The following TRPC4 variants were observed in gnomAD, a reference collection of about 807,000 sequenced individuals.
TRPC4 encodes transient receptor potential cation channel subfamily C member 4.
A neutral mutation model predicts 99.4 loss-of-function variants in TRPC4; 49 were observed. That is an observed-to-expected ratio of 0.49 (90% CI 0.39 to 0.63). The LOEUF is 0.63. Among genes scored for constraint, TRPC4 ranks in the 20% least tolerant of loss-of-function variants. The probability of loss-of-function intolerance (pLI) is 0.00; values close to 1 mark genes in which losing one functional copy is unlikely to be tolerated. For synonymous variants in TRPC4, 454 were observed against 425.9 expected (o/e 1.07, Z -0.81); for missense variants, 898 against 1,152.9 (o/e 0.78, Z 3.20).
chr13:37,716,865 C>T (rs138992102), intron 3 of TRPC4, among the ~76,000 whole-genome samples: 112 of 152,168 alleles, frequency 7.4e-4, no homozygotes, highest in Non-Finnish European at 1.4e-3. Flanking sequence ...AGCTGCTTCT[C>T]TTGTGTACGT....
rs772401617 is a variant in TRPC4, at chr13:37,651,321, T to C, written c.2023A>G (p.Thr675Ala). The C allele has an allele frequency of 1.2e-6, 2 of 1,614,038 alleles. No individual in the cohort carries two copies. Among genetic ancestry groups the C allele is most frequent in the African/African-American group, 1.3e-5 (1 of 74,930 alleles). ...SLWYLIKWIW[T>A]HLCKKKMRRK... Reference sequence around the variant, plus strand: ...CTCATCTTTTTCTTGCACAAGTGTGTCCAGATCCATTTGATCAGGTACCAG... The same window carrying C: ...CTCATCTTTTTCTTGCACAAGTGTGCCCAGATCCATTTGATCAGGTACCAG... Residue 675 changes from threonine to alanine, a missense_variant, in exon 8 of 11, where the codon ACA becomes GCA. Thr to Ala is a moderately conservative substitution (Grantham distance 58). This residue lies in a region of TRPC4 where 274 missense variants were observed against 454.9 expected (regional missense o/e 0.60). Coordinates refer to ENST00000379705, the MANE Select transcript of TRPC4 (RefSeq NM_016179.4).
At chr13:37,825,071 T>C (rs574993021) in intron 1 of TRPC4, among the ~76,000 whole-genome samples, 1 of 151,352 alleles carries the variant, frequency 6.6e-6, no homozygotes, top group South Asian at 2.1e-4. Context: ...GAGGTGTTTG[T>C]AGTATTCTCT....
At chr13:37,805,563 C>T (rs1322807610) in intron 1 of TRPC4, among the ~76,000 whole-genome samples, 1 of 152,008 alleles carries the variant, frequency 6.6e-6, no homozygotes, top group African/African-American at 2.4e-5. Flanking sequence ...CCTGATTGGA[C>T]AGGGACTCTT....
chr13:37,644,804 T>C (rs1420731507), intron 8 of TRPC4, among the ~76,000 whole-genome samples: 3 of 128,610 alleles, frequency 2.3e-5, no homozygotes, highest in Non-Finnish European at 4.6e-5. Context: ...ACCCGGGAGG[T>C]GGAGCCTGTG....
intron 3 of TRPC4, among the ~76,000 whole-genome samples, chr13:37,707,440 GTC>G (rs1239891610): frequency 1.3e-5 from 2 of 152,118 alleles, no homozygotes; most frequent in African/African-American, 2.4e-5. Context: ...TTTAGGGACT[GTC>G]TCTAAAAGGC....
intron 3 of TRPC4, among the ~76,000 whole-genome samples, chr13:37,731,260 A>G (rs550757803): frequency 1.5e-3 from 221 of 152,084 alleles, no homozygotes; most frequent in African/African-American, 5.1e-3. Flanking sequence ...ATATTCATTC[A>G]TTGTCTTTTC....
chr13:37,761,140 C>T (rs1956211390), intron 2 of TRPC4, among the ~76,000 whole-genome samples: 1 of 151,918 alleles, frequency 6.6e-6, no homozygotes, highest in African/African-American at 2.4e-5. Flanking sequence ...TGCAAATATA[C>T]TTGGAGTCTA....
At chr13:37,783,891 A>T (rs1425392361) in intron 1 of TRPC4, among the ~76,000 whole-genome samples, 1 of 151,730 alleles carries the variant, frequency 6.6e-6, no homozygotes, top group Non-Finnish European at 1.5e-5. Flanking sequence ...TTTTTTTGGT[A>T]GAGACAGGGT....
At chr13:37,753,444 G>A (rs1234273034) in intron 2 of TRPC4, among the ~76,000 whole-genome samples, 1 of 151,954 alleles carries the variant, frequency 6.6e-6, no homozygotes, top group East Asian at 1.9e-4. Flanking sequence ...GAAATGGTTG[G>A]AGGCAGGTAA....
intron 5 of TRPC4, among the ~76,000 whole-genome samples, chr13:37,667,177 GCTTCCTTCT>G (rs1358238551): frequency 2.0e-5 from 3 of 152,094 alleles, no homozygotes; most frequent in Non-Finnish European, 2.9e-5. Context: ...TATGTAGGTT[GCTTCCTTCT>G]CTTCATCACT....
intron 5 of TRPC4, among the ~76,000 whole-genome samples, chr13:37,673,120 AGT>A (rs1952916237): frequency 9.2e-6 from 1 of 108,966 alleles, no homozygotes; most frequent in African/African-American, 3.6e-5. Context: ...GACAGGCCCC[AGT>A]GTGTGATGTT....
Position 37,692,045 on chromosome 13 carries a change from A to G in TRPC4, c.1188T>C (p.Gly396=). 6.2e-7 allele frequency: 1 copy of G among 1,613,352 alleles called. No individual in the cohort carries two copies. The highest frequency in any genetic ancestry group is 8.5e-7 in the Non-Finnish European group (1 of 1,179,558). The change falls in exon 4 of 11, where the codon GGT becomes GGC. Residue 396 remains glycine (G), a synonymous_variant. Transcript: ENST00000379705. ...HIDRSDLNRQ[G]PPPTIVEWMI... ...TCCACTCGACGATGGTTGGTGGTGG[A>G]CCTTGCCTGTTCAAGTCTGACCTGT...
chr13:37,775,406 GT>G (rs5802899), intron 2 of TRPC4, among the ~76,000 whole-genome samples: 8 of 147,018 alleles, frequency 5.4e-5, no homozygotes, highest in East Asian at 2.0e-4. Flanking sequence ...TTATTTATTT[GT>G]TTTTTTTTAA....
chr13:37,825,397 C>T (rs986504192), intron 1 of TRPC4, among the ~76,000 whole-genome samples: 5 of 151,538 alleles, frequency 3.3e-5, no homozygotes, highest in Admixed American at 1.3e-4. Flanking sequence ...CCTGCTTTCT[C>T]TTGTGGGCAT....
chr13:37,688,292 T>C (rs1458664189), intron 4 of TRPC4, among the ~76,000 whole-genome samples: 1 of 152,156 alleles, frequency 6.6e-6, no homozygotes, highest in African/African-American at 2.4e-5. Context: ...TAGATTTAAA[T>C]AGTCAACAAT....
chr13:37,700,918 C>T (rs1004529986), intron 3 of TRPC4, among the ~76,000 whole-genome samples: 2 of 152,084 alleles, frequency 1.3e-5, no homozygotes, highest in Non-Finnish European at 2.9e-5. Flanking sequence ...TCTTGGCTGA[C>T]AGATTTTCTG....
chr13:37,695,003 T>G (rs1393612339), intron 3 of TRPC4, among the ~76,000 whole-genome samples: 2 of 152,270 alleles, frequency 1.3e-5, no homozygotes, highest in South Asian at 2.1e-4. Flanking sequence ...TAATAGATTT[T>G]CCATGCAAAA....
At chr13:37,798,826 T>C (rs1957319307) in intron 1 of TRPC4, among the ~76,000 whole-genome samples, 1 of 152,196 alleles carries the variant, frequency 6.6e-6, no homozygotes, top group South Asian at 2.1e-4. Flanking sequence ...TAACAAATAT[T>C]ATACTAGAAA....
At chr13:37,761,369 A>G (rs1956218397) in intron 2 of TRPC4, among the ~76,000 whole-genome samples, 1 of 151,854 alleles carries the variant, frequency 6.6e-6, no homozygotes, top group African/African-American at 2.4e-5. Flanking sequence ...CTGACTCCAG[A>G]GTCTAAATTC....
Sources: gnomAD v4.1 joint callset for allele counts (sites outside exome capture counted in the v4.1 genomes callset) on GRCh38, gnomAD v4.1.1 for gene constraint, gnomAD v4.1.1 regional missense constraint, MANE v1.5 for transcripts, NCBI Gene and HGNC (gene_info 2026-07-23, HGNC 2026-07-21) for gene names.